Variants in FHIT observed in about 807,000 individuals in gnomAD.
The protein encoded by FHIT is fragile histidine triad diadenosine triphosphatase.
Under a neutral mutation model 17.9 loss-of-function variants are expected in FHIT, and 19 were observed. That is an observed-to-expected ratio of 1.06 (90% CI 0.74 to 1.56). The LOEUF is 1.56. Among genes scored for constraint, FHIT ranks in the 40% most tolerant of loss-of-function variants. FHIT has a pLI of 0.00. For missense variants in FHIT, 248 were observed against 189.2 expected, an observed-to-expected ratio of 1.31 and a Z score of -1.82; for synonymous variants, 81 against 69.7, an observed-to-expected ratio of 1.16 and a Z score of -0.81.
At chr3:60,682,608 T>C (rs1248823958) in intron 4 of FHIT, among the ~76,000 whole-genome samples, 1 of 152,192 alleles carries the variant, frequency 6.6e-6, no homozygotes, top group African/African-American at 2.4e-5. Flanking sequence ...AGAAAAAAGA[T>C]TCCTTTCAAA....
At chr3:59,840,872 T>C (rs1286281396) in intron 8 of FHIT, among the ~76,000 whole-genome samples, 1 of 152,110 alleles carries the variant, frequency 6.6e-6, no homozygotes, top group African/African-American at 2.4e-5. Context: ...CCTGGGCTCA[T>C]AGGGTTGTTG....
At position 60,242,988 on chromosome 3, in the gene FHIT, T is replaced by C. The variant is rs115126858; in HGVS notation, c.104-228836A>G. Reference sequence around the variant, plus strand: ...GTCTTTACTTGAATTGATAGGCACATTTTCAAGTGAACCACAATGGCCTTG... The same window carrying C: ...GTCTTTACTTGAATTGATAGGCACACTTTCAAGTGAACCACAATGGCCTTG... On this transcript the variant is annotated intron_variant, in intron 5 of 9. Coordinates refer to ENST00000492590, the MANE Select transcript of FHIT (RefSeq NM_002012.4). Among the ~76,000 whole-genome samples, 990 of 152,022 alleles carry C rather than the reference T, an allele frequency of 6.5e-3. 5 individuals carry two copies. Among genetic ancestry groups the C allele is most frequent in the African/African-American group, 0.023 (934 of 41,472 alleles).
chr3:60,630,430 T>C (rs1169031678), intron 4 of FHIT, among the ~76,000 whole-genome samples: 8 of 152,010 alleles, frequency 5.3e-5, no homozygotes, highest in Admixed American at 2.6e-4. Flanking sequence ...TTGTTTAGAG[T>C]TGCAAGAACC....
intron 8 of FHIT, among the ~76,000 whole-genome samples, chr3:59,912,245 G>A (rs1044586741): frequency 3.9e-5 from 6 of 152,168 alleles, no homozygotes; most frequent in Non-Finnish European, 2.9e-5. Flanking sequence ...CTTTCAAGGA[G>A]TCCAATTCAG....
intron 4 of FHIT, among the ~76,000 whole-genome samples, chr3:60,583,928 C>G (rs1207154911): frequency 6.6e-6 from 1 of 152,114 alleles, no homozygotes; most frequent in Non-Finnish European, 1.5e-5. Context: ...CATCAGCACT[C>G]TGGGAAATAT....
chr3:60,639,048 C>A (rs2039660633), intron 4 of FHIT, among the ~76,000 whole-genome samples: 1 of 143,796 alleles, frequency 7.0e-6, no homozygotes, highest in Non-Finnish European at 1.5e-5. Flanking sequence ...AGAGCACAAC[C>A]AAGGCATGCA....
intron 5 of FHIT, among the ~76,000 whole-genome samples, chr3:60,144,668 T>C (rs1700166467): frequency 6.6e-6 from 1 of 152,152 alleles, no homozygotes. Context: ...TTTCAATACA[T>C]ATCCGTGTTG....
chr3:60,084,722 T>G (rs1174267157), intron 5 of FHIT, among the ~76,000 whole-genome samples: 2 of 152,206 alleles, frequency 1.3e-5, no homozygotes, highest in Non-Finnish European at 2.9e-5. Context: ...CCATATCATC[T>G]ACATAATTTC....
At chr3:60,189,305 G>T (rs1400408743) in intron 5 of FHIT, among the ~76,000 whole-genome samples, 1 of 152,012 alleles carries the variant, frequency 6.6e-6, no homozygotes, top group Non-Finnish European at 1.5e-5. Flanking sequence ...GGATTTTTTT[G>T]TATTATTCAT....
At chr3:60,569,448 A>G (rs1401089261) in intron 4 of FHIT, among the ~76,000 whole-genome samples, 2 of 151,928 alleles carry the variant, frequency 1.3e-5, no homozygotes, top group African/African-American at 4.8e-5. Flanking sequence ...ATAGTATGAC[A>G]TGTGAATAGA....
At chr3:60,835,883 G>A (rs1292326748) in intron 3 of FHIT, among the ~76,000 whole-genome samples, 1 of 152,080 alleles carries the variant, frequency 6.6e-6, no homozygotes, top group Admixed American at 6.6e-5. Flanking sequence ...CCATCGTGTT[G>A]GGATGACAGT....
chr3:59,986,522 T>TTTATATAA (rs1559523493), intron 7 of FHIT, among the ~76,000 whole-genome samples: 92 of 5,246 alleles, frequency 0.018, no homozygotes, highest in Non-Finnish European at 0.026. Context: ...TATATATATA[T>TTTATATAA]ATATATATAT....
intron 5 of FHIT, among the ~76,000 whole-genome samples, chr3:60,190,942 C>CA (rs1013974614): frequency 3.3e-5 from 5 of 149,668 alleles, no homozygotes; most frequent in Admixed American, 6.6e-5. Context: ...GACTCCATCT[C>CA]AAAAAAAAAC....
At chr3:60,186,797 G>A (rs1702177372) in intron 5 of FHIT, among the ~76,000 whole-genome samples, 1 of 149,358 alleles carries the variant, frequency 6.7e-6, no homozygotes, top group Non-Finnish European at 1.5e-5. Flanking sequence ...TTTGTAGATG[G>A]ATGTTTTTAT....
rs71092612 is a variant in FHIT, at chr3:60,543,907, C to CTTTTTTTTTTTTTTTTTTTTTTT, written c.-17-6951_-17-6929dup. On this transcript the variant is annotated intron_variant, in intron 4 of 9. Transcript: ENST00000492590. ...CTACAAGCGCCCGCACCACGCCCGGCTTTTTTTTTTTTTTTTTTTTTTTTG... is the reference window on the plus strand; with the variant it reads ...CTACAAGCGCCCGCACCACGCCCGGCTTTTTTTTTTTTTTTTTTTTTTTTTTTTTTTTTTTTTTTTTTTTTTTG... Among the ~76,000 whole-genome samples, 40 of 52,056 alleles carry CTTTTTTTTTTTTTTTTTTTTTTT rather than the reference C, an allele frequency of 7.7e-4. 1 individual carries two copies. Among genetic ancestry groups the CTTTTTTTTTTTTTTTTTTTTTTT allele is most frequent in the Non-Finnish European group, 9.3e-4 (31 of 33,410 alleles). 34.2% of individuals were successfully genotyped at this position (52,056 alleles called of 152,430 possible).
intron 3 of FHIT, among the ~76,000 whole-genome samples, chr3:61,038,133 G>T (rs1189357256): frequency 6.6e-6 from 1 of 152,116 alleles, no homozygotes; most frequent in Non-Finnish European, 1.5e-5. Flanking sequence ...AATTAATATG[G>T]AACTTTAAAA....
At chr3:60,245,471 C>T (rs1705344504) in intron 5 of FHIT, among the ~76,000 whole-genome samples, 1 of 151,966 alleles carries the variant, frequency 6.6e-6, no homozygotes, top group Admixed American at 6.6e-5. Flanking sequence ...TGGAGAAATA[C>T]AAAATGGCCA....
chr3:60,211,871 A>G (rs1703466727), intron 5 of FHIT, among the ~76,000 whole-genome samples: 1 of 152,144 alleles, frequency 6.6e-6, no homozygotes, highest in Non-Finnish European at 1.5e-5. Context: ...AGTTATTGTC[A>G]TGACATCTTT....
chr3:59,990,484 T>TGGAAGCAGATGAGG, intron 7 of FHIT, among the ~76,000 whole-genome samples: 1 of 152,196 alleles, frequency 6.6e-6, no homozygotes, highest in Admixed American at 6.6e-5. Context: ...TCAAATCATA[T>TGGAAGCAGATGAGG]GGAAGCAGAT....
Sources: gnomAD v4.1 joint callset for allele counts (sites outside exome capture counted in the v4.1 genomes callset) on GRCh38, gnomAD v4.1.1 for gene constraint, MANE v1.5 for transcripts, NCBI Gene and HGNC (gene_info 2026-07-23, HGNC 2026-07-21) for gene names.